FER1L6: variants seen among roughly 807,000 people sequenced by gnomAD.
The protein encoded by FER1L6 is fer-1-like protein 6.
In FER1L6, 177 loss-of-function variants were observed where a neutral mutation model predicts 219.2. The observed-to-expected ratio is 0.81, with a 90% CI of 0.71 to 0.91. The LOEUF is 0.91. Ranked by LOEUF, FER1L6 falls within the 40% of genes least tolerant of loss-of-function variation. FER1L6 has a pLI of 0.00. For synonymous variants in FER1L6, 768 were observed against 824.3 expected, an observed-to-expected ratio of 0.93 and a Z score of 1.17; for missense variants, 2,153 against 2,259.9, an observed-to-expected ratio of 0.95 and a Z score of 0.96.
At chr8:123,856,558 T>G in intron 1 of FER1L6, among the ~76,000 whole-genome samples, 1 of 151,604 alleles carries the variant, frequency 6.6e-6, no homozygotes, top group East Asian at 1.9e-4. Flanking sequence ...GATTGTTTAC[T>G]TGGTGTGGTG....
At chr8:123,986,485 A>G (rs1816591439) in intron 12 of FER1L6, among the ~76,000 whole-genome samples, 1 of 152,140 alleles carries the variant, frequency 6.6e-6, no homozygotes, top group Admixed American at 6.5e-5. Flanking sequence ...CTATCACCTC[A>G]ATCATTTATC....
chr8:123,865,721 T>G (rs1488353965), intron 1 of FER1L6, among the ~76,000 whole-genome samples: 1 of 151,270 alleles, frequency 6.6e-6, no homozygotes, highest in Non-Finnish European at 1.5e-5. Context: ...AGCGCAATAT[T>G]CGGGTGGGAG....
At chr8:123,903,715 A>G (rs1310102529) in intron 1 of FER1L6, among the ~76,000 whole-genome samples, 1 of 152,112 alleles carries the variant, frequency 6.6e-6, no homozygotes, top group African/African-American at 2.4e-5. Flanking sequence ...GTATGTTCAC[A>G]TTTAAGGGCA....
At chr8:123,875,193 TA>T (rs147092394) in intron 1 of FER1L6, among the ~76,000 whole-genome samples, 4,344 of 151,208 alleles carry the variant, frequency 0.029, 143 homozygotes, top group African/African-American at 0.085. Flanking sequence ...AGACTCAGTC[TA>T]AAAAAAAACA....
At chr8:124,064,709 A>G (rs1820749740) in intron 26 of FER1L6, 136 bp downstream of exon 26, 1 of 768,760 alleles carries the variant, frequency 1.3e-6, no homozygotes, top group African/African-American at 1.8e-5. Context: ...CATCCTTTGT[A>G]AAATGAGGAT....
intron 37 of FER1L6, 113 bp from the exon 38 acceptor site, chr8:124,100,984 G>T (rs887240751): frequency 9.9e-7 from 1 of 1,006,614 alleles, no homozygotes; most frequent in Non-Finnish European, 1.5e-6. Flanking sequence ...TAATTATAAT[G>T]ATTTTTAAAC....
chr8:124,067,056 C>T (rs1007547220), intron 27 of FER1L6, among the ~76,000 whole-genome samples: 19 of 152,100 alleles, frequency 1.2e-4, no homozygotes, highest in Non-Finnish European at 1.9e-4. Context: ...TGGAATGAGA[C>T]AGATCTAGTT....
chr8:124,020,990 G>T (rs1287808769), intron 16 of FER1L6, among the ~76,000 whole-genome samples: 1 of 152,128 alleles, frequency 6.6e-6, no homozygotes, highest in Non-Finnish European at 1.5e-5. Flanking sequence ...TGGCTAAGAG[G>T]CCATGGTGGC....
chr8:124,006,913 G>A (rs568110630), intron 13 of FER1L6, among the ~76,000 whole-genome samples: 1 of 152,322 alleles, frequency 6.6e-6, no homozygotes, highest in East Asian at 1.9e-4. Context: ...ATTAGCACGA[G>A]ATGATCCAAA....
At chr8:124,064,663 C>G in intron 26 of FER1L6, 90 bp downstream of exon 26, 5 of 1,086,820 alleles carry the variant, frequency 4.6e-6, no homozygotes, top group Non-Finnish European at 6.7e-6. Flanking sequence ...GCAGTGTGAC[C>G]ATGGGCAAGC....
chr8:124,054,360 ATC>A (rs1820185242), intron 22 of FER1L6, among the ~76,000 whole-genome samples: 1 of 152,234 alleles, frequency 6.6e-6, no homozygotes, highest in Non-Finnish European at 1.5e-5. Context: ...TTTATATCAC[ATC>A]TGTTTTGGGG....
chr8:123,962,445 A>G (rs1231332136), intron 2 of FER1L6, among the ~76,000 whole-genome samples: 1 of 152,032 alleles, frequency 6.6e-6, no homozygotes, highest in Non-Finnish European at 1.5e-5. Flanking sequence ...TTTGCCTGTC[A>G]TGACTTTAGG....
At chr8:123,878,075 G>T (rs962175238) in intron 1 of FER1L6, among the ~76,000 whole-genome samples, 1 of 152,108 alleles carries the variant, frequency 6.6e-6, no homozygotes, top group Non-Finnish European at 1.5e-5. Flanking sequence ...TTAAGTCATC[G>T]TGTGTCACTC....
intron 1 of FER1L6, among the ~76,000 whole-genome samples, chr8:123,901,889 T>G (rs1008522660): frequency 6.6e-6 from 1 of 151,924 alleles, no homozygotes; most frequent in Non-Finnish European, 1.5e-5. Flanking sequence ...TGGCCAATTT[T>G]TTTGCATTTT....
intron 1 of FER1L6, among the ~76,000 whole-genome samples, chr8:123,892,743 A>G (rs1258668877): frequency 6.6e-6 from 1 of 152,218 alleles, no homozygotes; most frequent in Non-Finnish European, 1.5e-5. Context: ...TTGTTGTATC[A>G]AGTGTCTTAA....
At chr8:123,930,148 T>A (rs545982448) in intron 1 of FER1L6, among the ~76,000 whole-genome samples, 23 of 152,256 alleles carry the variant, frequency 1.5e-4, no homozygotes, top group African/African-American at 5.3e-4. Flanking sequence ...AATCCACTGA[T>A]CTTATTCAGA....
chr8:123,891,629 T>C (rs777393139), intron 1 of FER1L6, among the ~76,000 whole-genome samples: 6 of 152,196 alleles, frequency 3.9e-5, no homozygotes, highest in Non-Finnish European at 7.3e-5. Context: ...GTTGGTGACA[T>C]GTTAGAATAA....
At chr8:124,110,087 C>T (rs956712865) in intron 39 of FER1L6, among the ~76,000 whole-genome samples, 2 of 152,152 alleles carry the variant, frequency 1.3e-5, no homozygotes, top group Admixed American at 6.5e-5. Context: ...TTTCCCCACA[C>T]GAGCACCTTT....
At chr8:123,878,757 T>G (rs989968562) in intron 1 of FER1L6, among the ~76,000 whole-genome samples, 3 of 152,262 alleles carry the variant, frequency 2.0e-5, no homozygotes, top group Non-Finnish European at 4.4e-5. Context: ...TCCTATTCCT[T>G]TGTATAAACA....
Sources: gnomAD v4.1 joint callset for allele counts (sites outside exome capture counted in the v4.1 genomes callset) on GRCh38, gnomAD v4.1.1 for gene constraint, MANE v1.5 for transcripts, NCBI Gene and HGNC (gene_info 2026-07-23, HGNC 2026-07-21) for gene names.